AJAP1: variants seen among roughly 807,000 people sequenced by gnomAD.
AJAP1 encodes the protein adherens junction-associated protein 1.
A neutral mutation model predicts 35.0 loss-of-function variants in AJAP1; 5 were observed. That is an observed-to-expected ratio of 0.14 (90% CI 0.07 to 0.30). The LOEUF (loss-of-function observed/expected upper bound fraction) is 0.30, where lower values mean the gene tolerates loss of function less well. Among genes scored for constraint, AJAP1 ranks in the 10% least tolerant of loss-of-function variants. The pLI, the probability that AJAP1 is intolerant of heterozygous loss-of-function variation, is 1.00. For synonymous variants in AJAP1, 284 were observed against 249.3 expected (o/e 1.14, Z -1.31); for missense variants, 586 against 571.0 (o/e 1.03, Z -0.27).
chr1:4,701,494 G>A (rs144093784), intron 1 of AJAP1, among the ~76,000 whole-genome samples: 5 of 152,294 alleles, frequency 3.3e-5, no homozygotes, highest in Admixed American at 6.5e-5. Flanking sequence ...TGAGACCATC[G>A]TTCCTCCCTT....
chr1:4,724,169 G>A (rs947797587), intron 2 of AJAP1, among the ~76,000 whole-genome samples: 7 of 152,320 alleles, frequency 4.6e-5, no homozygotes, highest in South Asian at 4.1e-4. Context: ...CAGAGGTCAC[G>A]TGTGGTGGCC....
rs541032022 is a variant in AJAP1 at position 4,787,396 on chromosome 1, G to C, written c.*4911G>C. ...AGAAAGAGAGGCAGGGGTTGTCTACGTCTCCTCCTCCTGCGACCCATCACC... is the reference window on the plus strand; with the variant it reads ...AGAAAGAGAGGCAGGGGTTGTCTACCTCTCCTCCTCCTGCGACCCATCACC... On this transcript the variant is annotated 3_prime_UTR_variant, in exon 6 of 6. Coordinates refer to ENST00000378191, the MANE Select transcript of AJAP1 (RefSeq NM_018836.4). 2 of 273,254 alleles carry C rather than the reference G, an allele frequency of 7.3e-6. No homozygotes were observed. The highest frequency in any genetic ancestry group is 1.3e-4 in the East Asian group (1 of 7,780). 16.9% of individuals were successfully genotyped at this position (273,254 alleles called of 1,614,324 possible).
intron 2 of AJAP1, among the ~76,000 whole-genome samples, chr1:4,726,844 G>C (rs1246051720): frequency 6.6e-6 from 1 of 152,186 alleles, no homozygotes; most frequent in Non-Finnish European, 1.5e-5. Flanking sequence ...CCTGGGGGAT[G>C]GGGCTGCCTT....
intron 2 of AJAP1, among the ~76,000 whole-genome samples, chr1:4,755,955 C>T (rs551557365): frequency 2.6e-4 from 39 of 152,104 alleles, no homozygotes; most frequent in Admixed American, 3.9e-4. Flanking sequence ...AGGATGACAA[C>T]GGATCAGAAA....
At chr1:4,701,447 G>GAGCT (rs1361782602) in intron 1 of AJAP1, among the ~76,000 whole-genome samples, 1 of 152,176 alleles carries the variant, frequency 6.6e-6, no homozygotes, top group Non-Finnish European at 1.5e-5. Flanking sequence ...CAGCCATGGA[G>GAGCT]AGCTGCATGG....
At chr1:4,751,425 C>T (rs540135308) in intron 2 of AJAP1, among the ~76,000 whole-genome samples, 2 of 152,306 alleles carry the variant, frequency 1.3e-5, no homozygotes, top group Admixed American at 1.3e-4. Flanking sequence ...GCCAGGTGTG[C>T]CCCAGCAAGG....
chr1:4,677,484 C>T (rs1639386943), intron 1 of AJAP1, among the ~76,000 whole-genome samples: 1 of 151,950 alleles, frequency 6.6e-6, no homozygotes, highest in South Asian at 2.1e-4. Context: ...AGGAGCTGGC[C>T]AGCGGCTTTT....
chr1:4,671,417 CATGAT>C (rs1639246116), intron 1 of AJAP1, among the ~76,000 whole-genome samples: 1 of 151,036 alleles, frequency 6.6e-6, no homozygotes, highest in East Asian at 1.9e-4. Context: ...GGACATAGGA[CATGAT>C]GCTGTGGCAT....
chr1:4,731,818 G>C (rs1246606363), intron 2 of AJAP1, among the ~76,000 whole-genome samples: 1 of 152,242 alleles, frequency 6.6e-6, no homozygotes, highest in Non-Finnish European at 1.5e-5. Flanking sequence ...GCTCCTGAAA[G>C]AATTGCCCCT....
chr1:4,704,159 T>TG (rs1640049843), intron 1 of AJAP1, among the ~76,000 whole-genome samples: 1 of 141,572 alleles, frequency 7.1e-6, no homozygotes, highest in Admixed American at 6.9e-5. Flanking sequence ...ACGGGGAAGT[T>TG]TTTTTTTTTT....
chr1:4,751,720 A>T (rs1459582100), intron 2 of AJAP1, among the ~76,000 whole-genome samples: 1 of 152,246 alleles, frequency 6.6e-6, no homozygotes, highest in East Asian at 1.9e-4. Flanking sequence ...CACACCGATG[A>T]TGGCAGTTTG....
At chr1:4,702,501 C>A (rs1054857957) in intron 1 of AJAP1, among the ~76,000 whole-genome samples, 2 of 152,242 alleles carry the variant, frequency 1.3e-5, no homozygotes, top group African/African-American at 2.4e-5. Context: ...AAGGGCTTGA[C>A]CGTGGAACCC....
At chr1:4,719,370 T>A (rs1251365300) in intron 2 of AJAP1, among the ~76,000 whole-genome samples, 1 of 152,058 alleles carries the variant, frequency 6.6e-6, no homozygotes, top group East Asian at 1.9e-4. Context: ...TAAAGACATA[T>A]CCTTGCACAA....
At chr1:4,673,688 G>T (rs1357929577) in intron 1 of AJAP1, among the ~76,000 whole-genome samples, 1 of 152,212 alleles carries the variant, frequency 6.6e-6, no homozygotes, top group East Asian at 1.9e-4. Context: ...AGCCTTCCCA[G>T]GGCATGTCCT....
intron 2 of AJAP1, among the ~76,000 whole-genome samples, chr1:4,762,653 T>G (rs888273919): frequency 2.6e-5 from 4 of 152,220 alleles, no homozygotes; most frequent in African/African-American, 9.6e-5. Flanking sequence ...GTGCTCATCC[T>G]TGTGCTGTGA....
intron 2 of AJAP1, among the ~76,000 whole-genome samples, chr1:4,760,373 GTA>G (rs1046501766): frequency 2.9e-4 from 44 of 152,200 alleles, no homozygotes; most frequent in African/African-American, 1.1e-3. Context: ...GCATGTGTGT[GTA>G]TGTGAGTGTG....
intron 1 of AJAP1, among the ~76,000 whole-genome samples, chr1:4,658,663 C>G (rs1638935831): frequency 6.6e-6 from 1 of 152,222 alleles, no homozygotes; most frequent in Non-Finnish European, 1.5e-5. Flanking sequence ...TACATACCCC[C>G]CTTTCATGCT....
Position 4,712,214 on chromosome 1 carries a change from C to A in AJAP1, c.344C>A (p.Ala115Glu), listed in dbSNP as rs1570143444. The change falls in exon 2 of 6, where the codon GCA becomes GAA. Residue 115 changes from alanine to glutamate, a missense_variant. Ala to Glu is a moderately radical substitution (Grantham distance 107). Coordinates refer to ENST00000378191, the MANE Select transcript of AJAP1 (RefSeq NM_018836.4). Reference protein sequence around the residue: ...RDQAAALVPKAGLAKPPAAAK... With the variant: ...RDQAAALVPKEGLAKPPAAAK... ...CAGGCGGCCGCCCTCGTGCCCAAGG[C>A]AGGACTGGCCAAGCCCCCAGCTGCT... The A allele has an allele frequency of 1.3e-6, 2 of 1,552,716 alleles. No homozygotes were observed. The highest frequency in any genetic ancestry group is 1.7e-6 in the Non-Finnish European group (2 of 1,158,324).
chr1:4,742,728 A>G (rs1186040066), intron 2 of AJAP1, among the ~76,000 whole-genome samples: 1 of 152,188 alleles, frequency 6.6e-6, no homozygotes, highest in Non-Finnish European at 1.5e-5. Flanking sequence ...AGGAAGAAAA[A>G]TGTGGGTTGG....
Sources: gnomAD v4.1 joint callset for allele counts (sites outside exome capture counted in the v4.1 genomes callset) on GRCh38, gnomAD v4.1.1 for gene constraint, MANE v1.5 for transcripts, NCBI Gene and HGNC (gene_info 2026-07-23, HGNC 2026-07-21) for gene names.